Variants in CADM2 observed in about 807,000 individuals in gnomAD.
CADM2 encodes cell adhesion molecule 2, also known as immunoglobulin superfamily member 4D.
In CADM2, 12 loss-of-function variants were observed where a neutral mutation model predicts 49.8. The observed-to-expected ratio is 0.24, with a 90% CI of 0.15 to 0.39. The LOEUF (loss-of-function observed/expected upper bound fraction) is 0.39, where lower values mean the gene tolerates loss of function less well. CADM2 is among the 10% of genes least tolerant of loss of function. CADM2 has a pLI of 1.00. For synonymous variants in CADM2, 214 were observed against 175.4 expected (o/e 1.22, Z -1.74); for missense variants, 378 against 492.3 (o/e 0.77, Z 2.20).
intron 7 of CADM2, among the ~76,000 whole-genome samples, chr3:85,948,045 A>G (rs1722955368): frequency 1.3e-5 from 2 of 151,558 alleles, no homozygotes; most frequent in African/African-American, 4.8e-5. Flanking sequence ...CGTTTAGTAG[A>G]TTTTTCAGAC....
At chr3:85,670,679 G>A (rs1289085731) in intron 1 of CADM2, among the ~76,000 whole-genome samples, 1 of 152,144 alleles carries the variant, frequency 6.6e-6, no homozygotes, top group East Asian at 1.9e-4. Flanking sequence ...TTAACATGAT[G>A]GCCATGTATG....
At chr3:85,058,756 A>G (rs983753514) in intron 1 of CADM2, among the ~76,000 whole-genome samples, 1 of 152,030 alleles carries the variant, frequency 6.6e-6, no homozygotes, top group African/African-American at 2.4e-5. Context: ...AAATGATTTT[A>G]AATGTAGTAT....
At chr3:85,797,090 T>G (rs1000248941) in intron 2 of CADM2, among the ~76,000 whole-genome samples, 3 of 148,638 alleles carry the variant, frequency 2.0e-5, no homozygotes, top group Non-Finnish European at 4.5e-5. Context: ...AAGAATCCAT[T>G]TAAAAAAAAA....
At chr3:85,892,666 C>T (rs1314917253) in intron 5 of CADM2, among the ~76,000 whole-genome samples, 1 of 152,158 alleles carries the variant, frequency 6.6e-6, no homozygotes, top group Non-Finnish European at 1.5e-5. Context: ...ATTGTGAGTC[C>T]ATTAACCCTC....
chr3:85,119,107 T>C (rs1052500811), intron 1 of CADM2, among the ~76,000 whole-genome samples: 2 of 152,122 alleles, frequency 1.3e-5, no homozygotes, highest in African/African-American at 4.8e-5. Context: ...ATATATACAA[T>C]GTTCTAGTTA....
intron 1 of CADM2, among the ~76,000 whole-genome samples, chr3:85,633,799 A>C (rs1333619871): frequency 6.6e-6 from 1 of 152,082 alleles, no homozygotes; most frequent in East Asian, 1.9e-4. Context: ...AAATTAGGCC[A>C]AAAAGTGGAA....
intron 1 of CADM2, among the ~76,000 whole-genome samples, chr3:85,429,387 G>T (rs2107517506): frequency 6.6e-6 from 1 of 152,142 alleles, no homozygotes; most frequent in South Asian, 2.1e-4. Context: ...AAAGTATAAA[G>T]GCACAGTCTC....
chr3:85,203,219 T>G (rs185338322), intron 1 of CADM2, among the ~76,000 whole-genome samples: 3 of 152,348 alleles, frequency 2.0e-5, no homozygotes, highest in Admixed American at 2.0e-4. Flanking sequence ...TAACTCGGCT[T>G]TTGACATGCC....
At chr3:85,729,408 G>A (rs1339089761) in intron 2 of CADM2, among the ~76,000 whole-genome samples, 11 of 152,046 alleles carry the variant, frequency 7.2e-5, no homozygotes. Flanking sequence ...CAACCAACCT[G>A]TCTCACTATT....
chr3:85,711,793 A>G (rs1024949078), intron 1 of CADM2, among the ~76,000 whole-genome samples: 7 of 152,218 alleles, frequency 4.6e-5, no homozygotes, highest in African/African-American at 1.7e-4. Flanking sequence ...AATTTTTAAG[A>G]TTAGGTATTT....
At chr3:85,164,808 A>G in intron 1 of CADM2, among the ~76,000 whole-genome samples, 1 of 152,040 alleles carries the variant, frequency 6.6e-6, no homozygotes, top group East Asian at 1.9e-4. Context: ...GAGTAAATTC[A>G]AATTTATTTA....
chr3:85,700,608 C>T (rs1248826385), intron 1 of CADM2, among the ~76,000 whole-genome samples: 4 of 152,110 alleles, frequency 2.6e-5, no homozygotes, highest in Non-Finnish European at 5.9e-5. Context: ...TTTATTCTGC[C>T]AGATACCCTA....
chr3:85,385,571 G>T (rs1227147293), intron 1 of CADM2: 1 of 152,018 alleles, frequency 6.6e-6, no homozygotes, highest in African/African-American at 2.4e-5. Context: ...GCACAGGAAA[G>T]AATTGAGTTT....
chr3:85,714,176 T>G (rs1172221825), intron 1 of CADM2, among the ~76,000 whole-genome samples: 3 of 152,186 alleles, frequency 2.0e-5, no homozygotes, highest in African/African-American at 7.2e-5. Flanking sequence ...CTGAATCCCT[T>G]AAATTATTCC....
intron 3 of CADM2, among the ~76,000 whole-genome samples, chr3:85,850,314 CTTTTTTTTTTT>C (rs577604958): frequency 1.3e-5 from 1 of 76,064 alleles, no homozygotes; most frequent in Non-Finnish European, 2.5e-5. Flanking sequence ...TGTTGCAATT[CTTTTTTTTTTT>C]TTTTTTTTTT....
At chr3:85,769,700 A>AT (rs1165342614) in intron 2 of CADM2, among the ~76,000 whole-genome samples, 1 of 142,622 alleles carries the variant, frequency 7.0e-6, no homozygotes, top group African/African-American at 2.6e-5. Context: ...GATTTGTTCT[A>AT]TATATTTTGC....
chr3:86,035,611 T>A (rs1442280014), intron 8 of CADM2, among the ~76,000 whole-genome samples: 1 of 152,130 alleles, frequency 6.6e-6, no homozygotes, highest in Non-Finnish European at 1.5e-5. Context: ...GGCATCTCAT[T>A]AAGGTTTCTC....
chr3:85,079,725 A>G (rs1208286361), intron 1 of CADM2, among the ~76,000 whole-genome samples: 1 of 151,962 alleles, frequency 6.6e-6, no homozygotes, highest in African/African-American at 2.4e-5. Context: ...AAAAAATTAC[A>G]TAGCAATAGC....
chr3:85,825,017 G>A (rs1241787503), intron 3 of CADM2, among the ~76,000 whole-genome samples: 2 of 151,976 alleles, frequency 1.3e-5, no homozygotes, highest in African/African-American at 4.8e-5. Flanking sequence ...AATGTGAGGA[G>A]AAGGGTTAAA....
Sources: allele counts gnomAD v4.1 joint callset (sites outside exome capture counted in the v4.1 genomes callset), GRCh38; gene constraint gnomAD v4.1.1; transcripts MANE v1.5; gene names NCBI Gene and HGNC (gene_info 2026-07-23, HGNC 2026-07-21).